Variants in SEMA5A observed in about 807,000 individuals in gnomAD.
SEMA5A encodes the protein semaphorin 5A.
SEMA5A carries 55 observed loss-of-function variants against 135.5 expected under a neutral mutation model. The observed-to-expected ratio is 0.41, with a 90% confidence interval of 0.33 to 0.51. The LOEUF (loss-of-function observed/expected upper bound fraction) is 0.51, where lower values mean the gene tolerates loss of function less well. Ranked by LOEUF, SEMA5A falls within the 20% of genes least tolerant of loss-of-function variation. The pLI is 0.37. For missense variants in SEMA5A, 1,290 were observed against 1,419.9 expected, an observed-to-expected ratio of 0.91 and a Z score of 1.47; for synonymous variants, 580 against 546.5, an observed-to-expected ratio of 1.06 and a Z score of -0.85.
intron 11 of SEMA5A, among the ~76,000 whole-genome samples, chr5:9,169,950 T>C (rs1289326488): frequency 6.6e-6 from 1 of 152,224 alleles, no homozygotes; most frequent in African/African-American, 2.4e-5. Context: ...TTCCAAAGGT[T>C]TTCTGATGTT....
chr5:9,436,664 C>A (rs185004404), intron 2 of SEMA5A, among the ~76,000 whole-genome samples: 2 of 152,100 alleles, frequency 1.3e-5, no homozygotes, highest in South Asian at 4.1e-4. Context: ...CACAATGAGA[C>A]GGTAATTTAG....
At chr5:9,344,339 A>G (rs79556212) in intron 3 of SEMA5A, among the ~76,000 whole-genome samples, 161 of 152,366 alleles carry the variant, frequency 1.1e-3, no homozygotes, top group African/African-American at 3.7e-3. Context: ...GGCTAAGGCA[A>G]TATTTCTATA....
Position 9,339,109 on chromosome 5 carries a change from G to A in SEMA5A, c.125-1297C>T, listed in dbSNP as rs139985969. Among the ~76,000 whole-genome samples, 535 of 152,124 alleles carry A rather than the reference G, an allele frequency of 3.5e-3. 3 individuals carry two copies. The highest frequency in any genetic ancestry group is 0.02 in the Middle Eastern group (6 of 294). On this transcript the variant is annotated intron_variant, in intron 3 of 22. Coordinates refer to ENST00000382496, the MANE Select transcript of SEMA5A (RefSeq NM_003966.3). ...TTTATAGGCAAATCAATTAAAATAC[G>A]TAGAACAAGGTATGTACAAGGCAAT...
In SEMA5A at chr5:9,545,381, G is replaced by A. The variant is rs1738332581; in HGVS notation, c.-175+203C>T. 1.3e-5 allele frequency among the ~76,000 whole-genome samples: 2 copies of A among 151,938 alleles called. 1 individual carries two copies. The highest frequency in any genetic ancestry group is 4.8e-5 in the African/African-American group (2 of 41,378). On this transcript the variant is annotated intron_variant, in intron 1 of 22. Transcript: ENST00000382496. This position sits in a 1 kb window ranked among gnomAD's most constrained non-coding sequence, Gnocchi z 4.5. Reference sequence around the variant, plus strand: ...TTCCAGCCCGTGCACTAGCTCAACTGTGGGCGCCCCCGGACTGACGGTCGT... The same window carrying A: ...TTCCAGCCCGTGCACTAGCTCAACTATGGGCGCCCCCGGACTGACGGTCGT...
intron 5 of SEMA5A, among the ~76,000 whole-genome samples, chr5:9,252,571 T>C (rs1169703608): frequency 6.6e-6 from 1 of 152,104 alleles, no homozygotes; most frequent in African/African-American, 2.4e-5. Flanking sequence ...AGTTTATACG[T>C]TGAATTAGGA....
chr5:9,521,235 C>T (rs1361504806), intron 1 of SEMA5A, among the ~76,000 whole-genome samples: 5 of 152,100 alleles, frequency 3.3e-5, no homozygotes, highest in African/African-American at 1.2e-4. Context: ...CATGGCGAAA[C>T]CCCATCTCTA....
At chr5:9,334,750 A>AG (rs1182800018) in intron 4 of SEMA5A, among the ~76,000 whole-genome samples, 1 of 152,152 alleles carries the variant, frequency 6.6e-6, no homozygotes, top group Non-Finnish European at 1.5e-5. Context: ...AGAATAAAAA[A>AG]CTACAGCCCA....
chr5:9,266,120 C>T (rs537503371), intron 5 of SEMA5A, among the ~76,000 whole-genome samples: 2 of 152,286 alleles, frequency 1.3e-5, no homozygotes, highest in South Asian at 4.2e-4. Flanking sequence ...GCTGGTGCTA[C>T]GTCTGCCTTG....
chr5:9,428,822 CTT>C (rs980965962), intron 2 of SEMA5A, among the ~76,000 whole-genome samples: 4 of 152,166 alleles, frequency 2.6e-5, no homozygotes, highest in African/African-American at 9.7e-5. Context: ...TAATCACACT[CTT>C]AAGGACCATT....
At chr5:9,316,046 T>G (rs190612283) in intron 5 of SEMA5A, among the ~76,000 whole-genome samples, 1 of 152,306 alleles carries the variant, frequency 6.6e-6, no homozygotes, top group Admixed American at 6.5e-5. Flanking sequence ...ATTCATTAGT[T>G]GGCATTTGTT....
chr5:9,451,783 T>C (rs959034434), intron 1 of SEMA5A, among the ~76,000 whole-genome samples: 1 of 152,190 alleles, frequency 6.6e-6, no homozygotes, highest in Non-Finnish European at 1.5e-5. Context: ...GGTTTCTTGA[T>C]TCTCTCTGCT....
intron 1 of SEMA5A, among the ~76,000 whole-genome samples, chr5:9,471,261 G>A (rs181700141): frequency 1.3e-4 from 20 of 152,272 alleles, no homozygotes; most frequent in Admixed American, 1.3e-3. Context: ...ACATGTTGGG[G>A]CTGATGTCTC....
At chr5:9,098,270 A>G (rs1739434972) in intron 16 of SEMA5A, among the ~76,000 whole-genome samples, 1 of 151,526 alleles carries the variant, frequency 6.6e-6, no homozygotes, top group Non-Finnish European at 1.5e-5. Context: ...TAAATAAATA[A>G]ATAAATAAAA....
At chr5:9,082,603 C>G (rs1174629333) in intron 16 of SEMA5A, among the ~76,000 whole-genome samples, 1 of 152,188 alleles carries the variant, frequency 6.6e-6, no homozygotes, top group African/African-American at 2.4e-5. Context: ...TCCACTTTCT[C>G]ATCTATAAAA....
At chr5:9,145,802 C>CT (rs397935817) in intron 12 of SEMA5A, among the ~76,000 whole-genome samples, 70,960 of 138,778 alleles carry the variant, frequency 0.51, 18,236 homozygotes, top group East Asian at 0.62. Context: ...CCACATCCAG[C>CT]TTTTTTTTTT....
intron 5 of SEMA5A, among the ~76,000 whole-genome samples, chr5:9,306,396 A>G (rs1751871978): frequency 1.3e-5 from 2 of 151,940 alleles, no homozygotes; most frequent in South Asian, 4.1e-4. Flanking sequence ...CTAATACAAT[A>G]TTTTTTTTCT....
At chr5:9,047,788 A>T (rs1247333664) in intron 21 of SEMA5A, among the ~76,000 whole-genome samples, 2 of 152,250 alleles carry the variant, frequency 1.3e-5, no homozygotes, top group Non-Finnish European at 2.9e-5. Context: ...AGATCTAAAA[A>T]AAAAATTCCA....
chr5:9,487,282 G>GC (rs1439606242), intron 1 of SEMA5A, among the ~76,000 whole-genome samples: 1 of 152,126 alleles, frequency 6.6e-6, no homozygotes, highest in Non-Finnish European at 1.5e-5. Flanking sequence ...CTCTTTTTGT[G>GC]TGTTAGCTCA....
chr5:9,305,728 T>TATATATATATATATATATA (rs1287444762), intron 5 of SEMA5A, among the ~76,000 whole-genome samples: 1 of 94,998 alleles, frequency 1.1e-5, no homozygotes. Flanking sequence ...ATATATATAT[T>TATATATATATATATATATA]TACACGCACA....
Sources: gnomAD v4.1 joint callset for allele counts (sites outside exome capture counted in the v4.1 genomes callset) on GRCh38, gnomAD v4.1.1 for gene constraint, Gnocchi (gnomAD v3.1) non-coding constraint, MANE v1.5 for transcripts, NCBI Gene and HGNC (gene_info 2026-07-23, HGNC 2026-07-21) for gene names.